The following TRAP1 variants were observed in gnomAD, a reference collection of about 807,000 sequenced individuals.
The protein encoded by TRAP1 is TNF receptor associated protein 1, also known as heat shock protein 75 kDa, mitochondrial.
TRAP1 carries 102 observed loss-of-function variants against 89.1 expected under a neutral mutation model. That is an observed-to-expected ratio of 1.15 (90% CI 0.98 to 1.35). The LOEUF (loss-of-function observed/expected upper bound fraction) is 1.35. Ranked by LOEUF, TRAP1 falls within the 40% of genes most tolerant of loss-of-function variation. TRAP1 has a pLI of 0.00. For synonymous variants in TRAP1, 508 were observed against 388.0 expected (o/e 1.31, Z -3.64); for missense variants, 1,256 against 945.3 (o/e 1.33, Z -4.31).
In TRAP1 at chr16:3,717,443, C is replaced by T. The variant is rs2051612787; in HGVS notation, c.66G>A (p.Pro22=). The T allele has an allele frequency of 2.4e-6, 3 of 1,271,616 alleles. No individual in the cohort carries two copies. Among genetic ancestry groups the T allele is most frequent in the African/African-American group, 1.6e-5 (1 of 64,078 alleles). The allele number at this position is 1,271,616 out of a possible 1,614,324, so 78.8% of individuals were successfully genotyped here. ...GRRLRPLLRA[P]ALAAVPGGKP... is the part of the protein sequence containing the mutation. Reference sequence around the variant, plus strand: ...CACCTCCCGGCACGGCCGCCAGCGCCGGCGCCCGCAGCAAAGGCCGCAGGC... The same window carrying T: ...CACCTCCCGGCACGGCCGCCAGCGCTGGCGCCCGCAGCAAAGGCCGCAGGC... The change falls in exon 1 of 18, where the codon CCG becomes CCA. Residue 22 remains proline, a synonymous_variant. Coordinates refer to ENST00000246957, the MANE Select transcript of TRAP1 (RefSeq NM_016292.3).
At chr16:3,701,753 A>G (rs1335302789) in intron 1 of TRAP1, among the ~76,000 whole-genome samples, 2 of 152,128 alleles carry the variant, frequency 1.3e-5, no homozygotes, top group Non-Finnish European at 2.9e-5. Flanking sequence ...TGCACTTACT[A>G]CAGTCATACA....
At position 3,689,040 on chromosome 16, in the gene TRAP1, T is replaced by G. The variant is rs751211417; in HGVS notation, c.330+15A>C. On this transcript the variant is annotated intron_variant, in intron 3 of 17. Coordinates refer to ENST00000246957, the MANE Select transcript of TRAP1 (RefSeq NM_016292.3). ...AAACTTTGCTAGCATCGGGCATGGT[T>G]AGCAGGGAACGCACCTCTTTTTCTG... 4 of 1,601,928 alleles carry G rather than the reference T, an allele frequency of 2.5e-6. No individual in the cohort carries two copies. The African/African-American group carries it at 5.4e-5, about 21-fold the overall frequency.
intron 7 of TRAP1, 46 bp from the exon 8 acceptor site, chr16:3,675,443 G>A (rs1272677529): frequency 3.1e-6 from 5 of 1,595,230 alleles, no homozygotes; most frequent in Non-Finnish European, 4.3e-6. Flanking sequence ...CAATGCTTGT[G>A]GAAACGCAAG....
chr16:3,663,475 C>T lies in TRAP1; in HGVS notation c.1657G>A (p.Asp553Asn). 1 of 1,614,182 alleles carries T rather than the reference C, an allele frequency of 6.2e-7. No homozygotes were observed. Among genetic ancestry groups the T allele is most frequent in the Non-Finnish European group, 8.5e-7 (1 of 1,180,030 alleles). Reference sequence around the variant, plus strand: ...TCCTTGTAGTGATCCACGACTATGTCCGTCTCCACAGAGATCAGCTTCTTC... The same window carrying T: ...TCCTTGTAGTGATCCACGACTATGTTCGTCTCCACAGAGATCAGCTTCTTC... ...DKKKLISVETDIVVDHYKEEK... is the reference protein window; with the variant it reads ...DKKKLISVETNIVVDHYKEEK... Residue 553 changes from aspartate (D) to asparagine (N), a missense_variant, in exon 14 of 18, where the codon GAC becomes AAC. Coordinates refer to ENST00000246957, the MANE Select transcript of TRAP1 (RefSeq NM_016292.3).
At chr16:3,706,353 G>A (rs986020668) in intron 1 of TRAP1, among the ~76,000 whole-genome samples, 2 of 151,710 alleles carry the variant, frequency 1.3e-5, no homozygotes, top group Non-Finnish European at 2.9e-5. Flanking sequence ...CTGTCATGGT[G>A]CATGGTAGCC....
At chr16:3,703,385 G>C (rs755925821) in intron 1 of TRAP1, among the ~76,000 whole-genome samples, 2 of 151,802 alleles carry the variant, frequency 1.3e-5, no homozygotes, top group African/African-American at 4.9e-5. Flanking sequence ...GGATTATAGA[G>C]AAATGGGACA....
intron 15 of TRAP1, 65 bp from the exon 16 acceptor site, chr16:3,662,197 T>C: frequency 1.3e-6 from 2 of 1,561,212 alleles, no homozygotes; most frequent in Non-Finnish European, 1.7e-6. Context: ...GGCAGGATCT[T>C]ACCAGGGGTG....
chr16:3,658,930 T>C, intron 16 of TRAP1, 65 bp from the exon 17 acceptor site: 1 of 1,544,498 alleles, frequency 6.5e-7, no homozygotes, highest in Non-Finnish European at 8.9e-7. Flanking sequence ...CCCTTCATGT[T>C]TTGGGATTAT....
rs201159413 is a variant in TRAP1, at chr16:3,662,998, G to A, written c.1709-31C>T. The A allele has an allele frequency of 1.9e-4, 288 of 1,551,366 alleles. 1 individual carries two copies. In the Middle Eastern group the frequency reaches 0.013, roughly 68 times the overall value. On this transcript the variant is annotated intron_variant, in intron 14 of 17. Coordinates refer to ENST00000246957, the MANE Select transcript of TRAP1 (RefSeq NM_016292.3). ...GAAGAGCAGGCGACAGGGAGCTCAG[G>A]CCTGCATCCCAACTCCCCGGCTTCC... is the stretch of plus-strand genomic sequence containing the variant.
chr16:3,681,507 C>A (rs969524919), intron 4 of TRAP1, among the ~76,000 whole-genome samples: 2 of 152,204 alleles, frequency 1.3e-5, no homozygotes, highest in African/African-American at 4.8e-5. Flanking sequence ...CAGCAGCCAA[C>A]AAGAAACATG....
intron 1 of TRAP1, among the ~76,000 whole-genome samples, chr16:3,706,911 T>C (rs1244983474): frequency 2.0e-5 from 3 of 152,186 alleles, no homozygotes; most frequent in East Asian, 1.9e-4. Flanking sequence ...TGGGGTCATA[T>C]GGTAATTCGG....
Position 3,664,255 on chromosome 16 carries a change from C to CCACCCACCGCT in TRAP1, c.1569+8_1569+18dup. 6.4e-7 allele frequency: 1 copy of CCACCCACCGCT among 1,551,136 alleles called. No individual in the cohort carries two copies. Among genetic ancestry groups the CCACCCACCGCT allele is most frequent in the Non-Finnish European group, 8.7e-7 (1 of 1,150,054 alleles). ...CAGGTTGCAGCCCCCGGAGCCCGCC[C>CCACCCACCGCT]CACCCACCGCTCACCCACCTCTGTG... is the stretch of plus-strand genomic sequence containing the variant. On this transcript the variant is annotated intron_variant, in intron 13 of 17. Coordinates refer to ENST00000246957, the MANE Select transcript of TRAP1 (RefSeq NM_016292.3).
At chr16:3,716,918 C>G (rs923115067) in intron 1 of TRAP1, among the ~76,000 whole-genome samples, 3 of 152,228 alleles carry the variant, frequency 2.0e-5, no homozygotes, top group African/African-American at 7.2e-5. Context: ...CGGCGCCGGG[C>G]ACTGAGCGGG....
intron 1 of TRAP1, among the ~76,000 whole-genome samples, chr16:3,714,670 A>G (rs2051574310): frequency 6.6e-6 from 1 of 152,094 alleles, no homozygotes; most frequent in South Asian, 2.1e-4. Flanking sequence ...AAAAAAATCA[A>G]ATAAGATATT....
chr16:3,670,382 C>CAAAAAAAAAAAAAAAAAAAAAA (rs760902038), intron 11 of TRAP1, among the ~76,000 whole-genome samples: 10 of 22,844 alleles, frequency 4.4e-4, no homozygotes, highest in African/African-American at 6.2e-4. Flanking sequence ...GACTCCGTCT[C>CAAAAAAAAAAAAAAAAAAAAAA]AAAAAAAAAA....
chr16:3,675,303 C>T lies in TRAP1; in HGVS notation c.888+21G>A, dbSNP rs746358445. The T allele has an allele frequency of 3.7e-6, 6 of 1,612,852 alleles. No homozygotes were observed. The South Asian group carries it at 5.5e-5, about 15-fold the overall frequency. The stretch of plus-strand genomic sequence containing the variant: ...ATTTGTCTCCATGTTTGACCAGTCC[C>T]TAGAGGAACTCAGGGCTCACCTGCA... On this transcript the variant is annotated intron_variant, in intron 8 of 17. Coordinates refer to ENST00000246957, the MANE Select transcript of TRAP1 (RefSeq NM_016292.3).
intron 1 of TRAP1, among the ~76,000 whole-genome samples, chr16:3,697,711 C>T (rs1028866163): frequency 6.6e-6 from 1 of 150,526 alleles, no homozygotes; most frequent in African/African-American, 2.4e-5. Flanking sequence ...AAAAGCCTTC[C>T]TCACTCTAAG....
rs201314168 is a variant in TRAP1, at chr16:3,700,201, CTT to C, written c.89-9218_89-9217del. On this transcript the variant is annotated intron_variant, in intron 1 of 17. Coordinates refer to ENST00000246957, the MANE Select transcript of TRAP1 (RefSeq NM_016292.3). ...TTTTTTTTTGAGATGGAGTTTCCCT[CTT>C]GTTGCCCAGGCTGGAGTGCAATGGC... Among the ~76,000 whole-genome samples the C allele has an allele frequency of 9.2e-3, 1,391 of 151,678 alleles. 27 individuals are homozygous for C. The highest frequency in any genetic ancestry group is 0.032 in the African/African-American group (1,331 of 41,340).
At chr16:3,699,273 G>T (rs1199014883) in intron 1 of TRAP1, among the ~76,000 whole-genome samples, 2 of 152,154 alleles carry the variant, frequency 1.3e-5, no homozygotes, top group East Asian at 3.9e-4. Context: ...GGCCTCCCTG[G>T]CCCCAGCAGT....
Sources: allele counts gnomAD v4.1 joint callset (sites outside exome capture counted in the v4.1 genomes callset), GRCh38; gene constraint gnomAD v4.1.1; transcripts MANE v1.5; gene names NCBI Gene and HGNC (gene_info 2026-07-23, HGNC 2026-07-21).